DMD: variants seen among roughly 807,000 people sequenced by gnomAD.
DMD encodes the protein dystrophin.
Under a neutral mutation model 330.1 loss-of-function variants are expected in DMD, and 63 were observed. The observed-to-expected ratio is 0.19, with a 90% CI of 0.16 to 0.24. The LOEUF is 0.24. DMD is among the 10% of genes least tolerant of loss of function. DMD has a pLI of 1.00. For missense variants in DMD, 3,344 were observed against 2,684.1 expected (o/e 1.25, Z -5.43); for synonymous variants, 1,223 against 959.8 (o/e 1.27, Z -5.07).
chrX:32,518,032 G>A lies in DMD; in HGVS notation c.2268C>T (p.Phe756=), dbSNP rs1464482525. The part of the protein sequence containing the change: ...EFAIFRKEGN[F]SDLKEKVNAI... The stretch of plus-strand genomic sequence containing the variant: ...CATTGACTTTTTCTTTTAAGTCTGA[G>A]AAGTTGCCTTCCTTCCGAAAGATTG... The change falls in exon 18 of 79, where the codon TTC becomes TTT. Residue 756 remains phenylalanine, a synonymous_variant. Transcript: ENST00000357033. 5 of 1,210,341 alleles carry A rather than the reference G, an allele frequency of 4.1e-6. No homozygotes were observed. Among genetic ancestry groups the A allele is most frequent in the African/African-American group, 1.7e-5 (1 of 57,717 alleles).
intron 42 of DMD, among the ~76,000 whole-genome samples, chrX:32,307,294 G>C (rs752160054): frequency 6.2e-4 from 69 of 111,412 alleles, no homozygotes; most frequent in Middle Eastern, 4.6e-3. Context: ...TTTTGGGTCA[G>C]AGCATAAATC....
chrX:33,330,554 A>G, intron 1 of DMD, among the ~76,000 whole-genome samples: 2 of 111,937 alleles, frequency 1.8e-5, no homozygotes, highest in Middle Eastern at 9.1e-3. Flanking sequence ...GTTTCCAGGG[A>G]TAGACGTACA....
At chrX:32,449,368 C>G (rs58830605) in intron 26 of DMD, among the ~76,000 whole-genome samples, 49,629 of 108,659 alleles carry the variant, frequency 0.46, 8,668 homozygotes, top group East Asian at 0.68. Flanking sequence ...CAACATTACC[C>G]AAACCACAAA....
At chrX:32,538,530 TAGAC>T (rs755146866) in intron 17 of DMD, among the ~76,000 whole-genome samples, 237 of 111,106 alleles carry the variant, frequency 2.1e-3, no homozygotes, top group African/African-American at 7.5e-3. Context: ...CCAGGTGAAA[TAGAC>T]AGCCTTGTTG....
chrX:32,114,584 G>T (rs536773318), intron 44 of DMD, among the ~76,000 whole-genome samples: 1 of 111,350 alleles, frequency 9.0e-6, no homozygotes, highest in Admixed American at 9.5e-5. Flanking sequence ...CCTCTATAAT[G>T]ACAAGCTTCT....
chrX:31,679,827 C>A (rs1025565036), intron 52 of DMD, among the ~76,000 whole-genome samples: 1 of 111,917 alleles, frequency 8.9e-6, no homozygotes, highest in Non-Finnish European at 1.9e-5. Flanking sequence ...AATTTTAACT[C>A]AATTCTTGAT....
intron 1 of DMD, among the ~76,000 whole-genome samples, chrX:33,228,490 G>A (rs183411784): frequency 9.6e-4 from 106 of 109,856 alleles, no homozygotes; most frequent in African/African-American, 3.3e-3. Context: ...AAAAGGGGAG[G>A]GACTTGGAGA....
intron 1 of DMD, among the ~76,000 whole-genome samples, chrX:33,248,508 TTTTTATTCTCACA>T (rs1476905513): frequency 8.9e-6 from 1 of 112,148 alleles, no homozygotes; most frequent in Non-Finnish European, 1.9e-5. Flanking sequence ...TTTTCACCCA[TTTTTATTCTCACA>T]TTTTATTTTT....
chrX:31,626,962 T>C (rs1211947897), intron 55 of DMD, among the ~76,000 whole-genome samples: 2 of 111,765 alleles, frequency 1.8e-5, no homozygotes, highest in African/African-American at 6.5e-5. Flanking sequence ...AACTCCATAA[T>C]AGTTCAGGAA....
chrX:32,127,525 A>G (rs747228924), intron 44 of DMD, among the ~76,000 whole-genome samples: 12 of 110,624 alleles, frequency 1.1e-4, no homozygotes, highest in Admixed American at 1.9e-4. Flanking sequence ...ACTCGAATGA[A>G]CCCCCACTCC....
chrX:32,036,519 A>G (rs1303082178), intron 44 of DMD, among the ~76,000 whole-genome samples: 1 of 111,937 alleles, frequency 8.9e-6, no homozygotes, highest in Admixed American at 9.5e-5. Flanking sequence ...CATATTAAAT[A>G]AATCAGGGAG....
chrX:32,486,408 G>A (rs185291807), intron 20 of DMD, among the ~76,000 whole-genome samples: 22 of 111,263 alleles, frequency 2.0e-4, no homozygotes, highest in African/African-American at 7.2e-4. Context: ...ATAGTTTCTA[G>A]ACCATTTTAA....
chrX:32,674,291 A>G (rs547764171), intron 9 of DMD, among the ~76,000 whole-genome samples: 1 of 111,721 alleles, frequency 9.0e-6, no homozygotes, highest in East Asian at 2.8e-4. Flanking sequence ...CATAAAGACT[A>G]ATTGAAAGGG....
At chrX:32,439,331 C>G (rs952716182) in intron 28 of DMD, among the ~76,000 whole-genome samples, 3 of 110,733 alleles carry the variant, frequency 2.7e-5, no homozygotes, top group Non-Finnish European at 5.7e-5. Context: ...AATAAAGAGA[C>G]TTCCTAAATA....
intron 56 of DMD, among the ~76,000 whole-genome samples, chrX:31,499,981 G>A (rs1193427018): frequency 9.0e-6 from 1 of 111,547 alleles, no homozygotes; most frequent in African/African-American, 3.3e-5. Context: ...CTAAGCTGTG[G>A]AGTTAGATAA....
At chrX:31,367,152 T>C (rs1165693258) in intron 60 of DMD, among the ~76,000 whole-genome samples, 10 of 111,184 alleles carry the variant, frequency 9.0e-5, no homozygotes, top group African/African-American at 2.9e-4. Context: ...CTGGGGCTCA[T>C]TGGATAAGTA....
intron 1 of DMD, among the ~76,000 whole-genome samples, chrX:33,131,970 A>G (rs2095502381): frequency 8.9e-6 from 1 of 112,092 alleles, no homozygotes; most frequent in Non-Finnish European, 1.9e-5. Flanking sequence ...GTAACCTGAA[A>G]TGAATAGACA....
chrX:32,786,855 C>A (rs535910805), intron 7 of DMD, among the ~76,000 whole-genome samples: 1 of 111,673 alleles, frequency 9.0e-6, no homozygotes, highest in East Asian at 2.8e-4. Context: ...AAATAATAGT[C>A]TCTACCTCCT....
intron 1 of DMD, among the ~76,000 whole-genome samples, chrX:33,190,859 AATATTAT>A (rs200168157): frequency 3.0e-3 from 16 of 5,364 alleles, no homozygotes; most frequent in South Asian, 0.011. Flanking sequence ...TATAATATAT[AATATTAT>A]ATATATATAT....
Sources: allele counts gnomAD v4.1 joint callset (sites outside exome capture counted in the v4.1 genomes callset), GRCh38; gene constraint gnomAD v4.1.1; transcripts MANE v1.5; gene names NCBI Gene and HGNC (gene_info 2026-07-23, HGNC 2026-07-21).